Variants in SNTG1 observed in about 807,000 individuals in gnomAD.
SNTG1 encodes syntrophin gamma 1.
A neutral mutation model predicts 74.7 loss-of-function variants in SNTG1; 39 were observed. That is an observed-to-expected ratio of 0.52 (90% CI 0.40 to 0.68). SNTG1 has a LOEUF of 0.68. SNTG1 is among the 30% of genes least tolerant of loss of function. The probability of loss-of-function intolerance (pLI) is 0.00; values close to 1 mark genes in which losing one functional copy is unlikely to be tolerated. For synonymous variants in SNTG1, 254 were observed against 217.1 expected, an observed-to-expected ratio of 1.17 and a Z score of -1.49; for missense variants, 685 against 609.5, an observed-to-expected ratio of 1.12 and a Z score of -1.30.
At chr8:50,557,026 C>T (rs79906504) in intron 12 of SNTG1, among the ~76,000 whole-genome samples, 2 of 152,144 alleles carry the variant, frequency 1.3e-5, no homozygotes. Context: ...CATCTCACAC[C>T]ACTCAGACAG....
At chr8:50,559,997 G>A (rs1471537460) in intron 12 of SNTG1, among the ~76,000 whole-genome samples, 1 of 152,030 alleles carries the variant, frequency 6.6e-6, no homozygotes, top group Non-Finnish European at 1.5e-5. Context: ...CTAATATCTG[G>A]CGTCTACAAG....
Position 50,510,831 on chromosome 8 carries a change from G to A in SNTG1, c.466+7951G>A, listed in dbSNP as rs139101065. Among the ~76,000 whole-genome samples the A allele has an allele frequency of 1.7e-3, 261 of 151,850 alleles. 6 individuals carry two copies. In the East Asian group the frequency reaches 0.024, roughly 14 times the overall value. On this transcript the variant is annotated intron_variant, in intron 9 of 18. Coordinates refer to ENST00000642720, the MANE Select transcript of SNTG1 (RefSeq NM_018967.5). ...TTTCTTCTTTATTAGTCTTGCTAGC[G>A]GTCTATCAATTTTGTTGATATTTTC... is the stretch of plus-strand genomic sequence containing the variant.
intron 18 of SNTG1, among the ~76,000 whole-genome samples, chr8:50,790,111 G>A (rs1396852629): frequency 6.6e-6 from 1 of 151,872 alleles, no homozygotes; most frequent in East Asian, 1.9e-4. Flanking sequence ...CCTTTGAGTA[G>A]TCTTTGCTGT....
intron 15 of SNTG1, among the ~76,000 whole-genome samples, chr8:50,699,123 T>C (rs1195037726): frequency 6.6e-6 from 1 of 152,020 alleles, no homozygotes; most frequent in East Asian, 1.9e-4. Flanking sequence ...GAAACACAAA[T>C]CACAAGGAGA....
chr8:50,485,171 T>C (rs2093779836), intron 8 of SNTG1, among the ~76,000 whole-genome samples: 1 of 152,274 alleles, frequency 6.6e-6, no homozygotes, highest in Middle Eastern at 3.4e-3. Flanking sequence ...CTGTAGAACC[T>C]TGTGGAAAAA....
intron 12 of SNTG1, among the ~76,000 whole-genome samples, chr8:50,562,062 A>G (rs1035708779): frequency 6.6e-6 from 1 of 152,262 alleles, no homozygotes; most frequent in African/African-American, 2.4e-5. Context: ...TTTCTGATTT[A>G]TAAGTTACAA....
intron 11 of SNTG1, among the ~76,000 whole-genome samples, chr8:50,550,507 A>T (rs2094418688): frequency 6.6e-6 from 1 of 152,168 alleles, no homozygotes. Context: ...CATTCAAGGA[A>T]GACTAAATTT....
intron 2 of SNTG1, among the ~76,000 whole-genome samples, chr8:50,260,515 A>G (rs1031449230): frequency 7.0e-6 from 1 of 141,996 alleles, no homozygotes; most frequent in Admixed American, 7.1e-5. Flanking sequence ...CTTTTAACAC[A>G]CACACACACA....
intron 1 of SNTG1, among the ~76,000 whole-genome samples, chr8:49,952,848 G>A (rs372435528): frequency 6.6e-6 from 1 of 152,192 alleles, no homozygotes; most frequent in East Asian, 1.9e-4. Context: ...CCTTCTAGAT[G>A]TTTGACTTGG....
At chr8:50,183,649 A>C (rs2083285327) in intron 2 of SNTG1, among the ~76,000 whole-genome samples, 1 of 152,128 alleles carries the variant, frequency 6.6e-6, no homozygotes, top group Non-Finnish European at 1.5e-5. Flanking sequence ...GAAAAATCTT[A>C]ACCATAATTA....
intron 2 of SNTG1, among the ~76,000 whole-genome samples, chr8:50,352,314 C>A (rs968071191): frequency 2.6e-5 from 4 of 152,018 alleles, no homozygotes; most frequent in African/African-American, 9.7e-5. Context: ...TAAGTGCTTT[C>A]TTTGAACTCC....
At chr8:50,196,100 G>C (rs912366236) in intron 2 of SNTG1, among the ~76,000 whole-genome samples, 3 of 152,152 alleles carry the variant, frequency 2.0e-5, no homozygotes, top group Admixed American at 6.6e-5. Flanking sequence ...TCCTTAGTCT[G>C]TTTCACACTG....
intron 1 of SNTG1, among the ~76,000 whole-genome samples, chr8:50,027,953 C>T (rs749859906): frequency 6.6e-6 from 1 of 152,168 alleles, no homozygotes; most frequent in African/African-American, 2.4e-5. Flanking sequence ...ATACCCTTCA[C>T]CCAATTTTTC....
At chr8:49,936,093 G>C (rs1197066043) in intron 1 of SNTG1, among the ~76,000 whole-genome samples, 1 of 152,150 alleles carries the variant, frequency 6.6e-6, no homozygotes, top group Non-Finnish European at 1.5e-5. Flanking sequence ...TTCACAGAGA[G>C]ACTTATTCAG....
intron 2 of SNTG1, among the ~76,000 whole-genome samples, chr8:50,255,473 T>C (rs1043860237): frequency 6.6e-6 from 1 of 152,162 alleles, no homozygotes; most frequent in Admixed American, 6.5e-5. Context: ...GAAATTTATG[T>C]CCTCATAGTT....
intron 1 of SNTG1, among the ~76,000 whole-genome samples, chr8:49,999,920 T>C (rs1475267091): frequency 6.6e-6 from 1 of 152,206 alleles, no homozygotes; most frequent in East Asian, 1.9e-4. Context: ...CCCCTCTATT[T>C]TGTTTCCTGT....
Position 50,392,739 on chromosome 8 carries a change from T to C in SNTG1, c.-27-1473T>C, listed in dbSNP as rs76594578. Among the ~76,000 whole-genome samples the C allele has an allele frequency of 1.8e-4, 28 of 152,244 alleles. No homozygotes were observed. The East Asian group carries it at 5.4e-3, about 29-fold the overall frequency. On this transcript the variant is annotated intron_variant, in intron 2 of 18. Coordinates refer to ENST00000642720, the MANE Select transcript of SNTG1 (RefSeq NM_018967.5). ...GATGAAAAAGAATAGAAGATTAGAA[T>C]TGAAAAAAGGAAGATGTGCTAAAAA... is the stretch of plus-strand genomic sequence containing the variant.
At chr8:50,321,374 T>C (rs2090522039) in intron 2 of SNTG1, among the ~76,000 whole-genome samples, 1 of 152,138 alleles carries the variant, frequency 6.6e-6, no homozygotes, top group African/African-American at 2.4e-5. Flanking sequence ...TGGTTTTAAT[T>C]TGCATGGAAC....
In SNTG1 at chr8:49,966,686, C is replaced by T. The variant is rs576729782; in HGVS notation, c.-103+54455C>T. Among the ~76,000 whole-genome samples, 14 of 152,222 alleles carry T rather than the reference C, an allele frequency of 9.2e-5. 1 individual carries two copies. The highest frequency in any genetic ancestry group is 7.7e-4 in the East Asian group (4 of 5,172). ...CTGAGATTACAGGTGTCAGCCACCACGCCCAGCCTATTCCAGTCTTTTTGA... is the reference window on the plus strand; with the variant it reads ...CTGAGATTACAGGTGTCAGCCACCATGCCCAGCCTATTCCAGTCTTTTTGA... On this transcript the variant is annotated intron_variant, in intron 1 of 18. Coordinates refer to ENST00000642720, the MANE Select transcript of SNTG1 (RefSeq NM_018967.5).
Sources: gnomAD v4.1 joint callset for allele counts (sites outside exome capture counted in the v4.1 genomes callset) on GRCh38, gnomAD v4.1.1 for gene constraint, MANE v1.5 for transcripts, NCBI Gene and HGNC (gene_info 2026-07-23, HGNC 2026-07-21) for gene names.